CCDC3: variants seen among roughly 807,000 people sequenced by gnomAD.
CCDC3 encodes coiled-coil domain containing 3.
CCDC3 carries 24 observed loss-of-function variants against 21.4 expected under a neutral mutation model. That is an observed-to-expected ratio of 1.12 (90% CI 0.81 to 1.58). The LOEUF is 1.58. Among genes scored for constraint, CCDC3 ranks in the 40% most tolerant of loss-of-function variants. CCDC3 has a pLI of 0.00. For synonymous variants in CCDC3, 186 were observed against 166.0 expected (o/e 1.12, Z -0.93); for missense variants, 425 against 360.9 (o/e 1.18, Z -1.44).
At chr10:12,911,835 G>A (rs1372454262) in intron 2 of CCDC3, among the ~76,000 whole-genome samples, 2 of 152,080 alleles carry the variant, frequency 1.3e-5, no homozygotes. Context: ...TCTGGTAACT[G>A]CCATTCTACT....
At position 12,896,722 on chromosome 10, in the gene CCDC3, T is replaced by TTCCCTTAGCCTG. The variant is rs545752745; in HGVS notation, c.*1693_*1694insCAGGCTAAGGGA. The TTCCCTTAGCCTG allele has an allele frequency of 0.012, 1,763 of 152,864 alleles. 33 individuals are homozygous for TTCCCTTAGCCTG. The highest frequency in any genetic ancestry group is 0.039 in the African/African-American group (1,638 of 41,582). 9.5% of individuals were successfully genotyped at this position (152,864 alleles called of 1,614,324 possible). A position where few individuals can be genotyped will look rare whatever the true frequency, so the allele number is the denominator to read the frequency against. On this transcript the variant is annotated 3_prime_UTR_variant, in exon 3 of 3. Coordinates refer to ENST00000378825, the MANE Select transcript of CCDC3 (RefSeq NM_031455.4). ...TGGTTCTCCAAGCACGGGCTGTACA[T>TTCCCTTAGCCTG]TACCCTTAGGCTGACCATTCCCTTG... is the stretch of plus-strand genomic sequence containing the variant.
intron 5 of CCDC3, among the ~76,000 whole-genome samples, chr10:13,024,321 A>T (rs1479171001): frequency 6.6e-6 from 1 of 152,124 alleles, no homozygotes; most frequent in Non-Finnish European, 1.5e-5. Context: ...AAGTGCACTA[A>T]CAGATCTCTT....
At chr10:12,977,751 T>C (rs1835437623) in intron 2 of CCDC3, among the ~76,000 whole-genome samples, 1 of 152,230 alleles carries the variant, frequency 6.6e-6, no homozygotes, top group African/African-American at 2.4e-5. Flanking sequence ...CATGCTAAGA[T>C]TTCATCATTA....
chr10:13,050,425 A>T (rs1227784832), intron 4 of CCDC3, among the ~76,000 whole-genome samples: 1 of 150,996 alleles, frequency 6.6e-6, no homozygotes, highest in Non-Finnish European at 1.5e-5. Context: ...CTTAGAGAAA[A>T]CTGGTAATAG....
intron 2 of CCDC3, among the ~76,000 whole-genome samples, chr10:12,899,669 C>G (rs1053030508): frequency 7.2e-5 from 11 of 152,114 alleles, no homozygotes; most frequent in Admixed American, 1.3e-4. Context: ...AAGTGGTGTT[C>G]ATATTGAAAA....
At chr10:13,078,507 T>C (rs911064506) in intron 3 of CCDC3, among the ~76,000 whole-genome samples, 1 of 152,238 alleles carries the variant, frequency 6.6e-6, no homozygotes. Context: ...ATCCCATTAC[T>C]GGGTACATAC....
chr10:13,049,842 G>A (rs897705463), exon 5 of CCDC3: 1 of 152,096 alleles, frequency 6.6e-6, no homozygotes, highest in African/African-American at 2.4e-5. Flanking sequence ...ATTTATCCAG[G>A]TGTGGAGAAC....
chr10:12,947,700 A>G (rs1257646522), intron 2 of CCDC3, among the ~76,000 whole-genome samples: 2 of 152,238 alleles, frequency 1.3e-5, no homozygotes, highest in Non-Finnish European at 2.9e-5. Flanking sequence ...GACTGAGTAG[A>G]ATACATTGCT....
At chr10:12,989,704 G>A (rs1835651956) in intron 2 of CCDC3, among the ~76,000 whole-genome samples, 2 of 152,140 alleles carry the variant, frequency 1.3e-5, no homozygotes, top group Admixed American at 6.5e-5. Flanking sequence ...TTACAGGCGT[G>A]AGCCACTGCA....
chr10:12,971,158 C>T (rs1015850716), intron 2 of CCDC3, among the ~76,000 whole-genome samples: 3 of 152,172 alleles, frequency 2.0e-5, no homozygotes, highest in Non-Finnish European at 4.4e-5. Flanking sequence ...CTCCCTGTCC[C>T]CAGGGACTCA....
At chr10:12,940,665 A>G (rs893473069) in intron 2 of CCDC3, among the ~76,000 whole-genome samples, 1 of 148,444 alleles carries the variant, frequency 6.7e-6, no homozygotes, top group African/African-American at 2.5e-5. Context: ...GCAAGAAGCT[A>G]AGTAATAAGT....
At chr10:12,910,251 T>A (rs7101152) in intron 2 of CCDC3, among the ~76,000 whole-genome samples, 14,060 of 152,254 alleles carry the variant, frequency 0.092, 865 homozygotes, top group African/African-American at 0.16. Flanking sequence ...AGCAAGACCT[T>A]GCTTCAAATG....
chr10:13,073,713 G>C (rs1042020098), intron 4 of CCDC3, among the ~76,000 whole-genome samples: 2 of 151,826 alleles, frequency 1.3e-5, no homozygotes, highest in African/African-American at 2.4e-5. Flanking sequence ...TCTCCAACTC[G>C]TGAGCTCAAG....
chr10:12,976,586 T>C lies in CCDC3; in HGVS notation c.549+21752A>G, dbSNP rs189024154. Reference sequence around the variant, plus strand: ...ACTTTTCTCATCTGATCCATGAACCTACTTTCACACACGGTATCGTTACAC... The same window carrying C: ...ACTTTTCTCATCTGATCCATGAACCCACTTTCACACACGGTATCGTTACAC... On this transcript the variant is annotated intron_variant, in intron 2 of 2. Coordinates refer to ENST00000378825, the MANE Select transcript of CCDC3 (RefSeq NM_031455.4). Among the ~76,000 whole-genome samples the C allele has an allele frequency of 1.2e-4, 19 of 152,350 alleles. No individual in the cohort carries two copies. In the East Asian group the frequency reaches 3.7e-3, roughly 29 times the overall value.
intron 2 of CCDC3, 134 bp from the exon 3 acceptor site, chr10:12,898,813 AC>A: frequency 1.9e-6 from 2 of 1,037,554 alleles, no homozygotes; most frequent in Non-Finnish European, 2.7e-6. Context: ...ATGGGCATAA[AC>A]CCCAGGATGT....
intron 4 of CCDC3, chr10:13,058,677 C>A (rs1347128394): frequency 8.4e-6 from 4 of 478,322 alleles, no homozygotes; most frequent in Admixed American, 6.0e-5. Flanking sequence ...CAAACCCCAC[C>A]CTGTGGAACA....
intron 1 of CCDC3, chr10:13,099,450 T>C (rs1832688990): frequency 1.7e-5 from 2 of 118,950 alleles, no homozygotes; most frequent in South Asian, 6.4e-4. Flanking sequence ...CTCCCTCCCA[T>C]CCCTGCAGCG....
chr10:13,095,519 C>G (rs1342077832), intron 3 of CCDC3, among the ~76,000 whole-genome samples: 1 of 152,172 alleles, frequency 6.6e-6, no homozygotes, highest in Non-Finnish European at 1.5e-5. Context: ...ACCTAGATCC[C>G]TTGCATGTTC....
chr10:13,003,211 G>A (rs1023393198), upstream of CCDC3, among the ~76,000 whole-genome samples: 2 of 152,186 alleles, frequency 1.3e-5, no homozygotes, highest in Non-Finnish European at 1.5e-5. Flanking sequence ...GTTATAATAA[G>A]AATTGCTAAA....
Sources: allele counts gnomAD v4.1 joint callset (sites outside exome capture counted in the v4.1 genomes callset), GRCh38; gene constraint gnomAD v4.1.1; transcripts MANE v1.5; gene names NCBI Gene and HGNC (gene_info 2026-07-23, HGNC 2026-07-21).